Variants in PLXNA2 observed in about 807,000 individuals in gnomAD.
PLXNA2 encodes plexin-A2.
PLXNA2 carries 91 observed loss-of-function variants against 193.5 expected under a neutral mutation model. The ratio of observed to expected loss-of-function variants is 0.47; its 90% CI spans 0.40 to 0.56. The LOEUF (loss-of-function observed/expected upper bound fraction) is 0.56. Among genes scored for constraint, PLXNA2 ranks in the 20% least tolerant of loss-of-function variants. The probability of loss-of-function intolerance (pLI) is 0.00; values close to 1 mark genes in which losing one functional copy is unlikely to be tolerated. For synonymous variants in PLXNA2, 997 were observed against 1,027.3 expected (o/e 0.97, Z 0.56); for missense variants, 1,995 against 2,503.2 (o/e 0.80, Z 4.33).
rs377729868 is a variant in PLXNA2, at chr1:208,033,470, C to T, written c.4904G>A (p.Arg1635Gln). ...TGGGGTGATCATCGGGGCCCGGGAC[C>T]GCAGGCTGTCGGGGCTGCCCGTATA... is the stretch of plus-strand genomic sequence containing the variant. ...FRYTGSPDSL[R>Q]SRAPMITPDL... Residue 1635 changes from arginine (R) to glutamine (Q), a missense_variant, in exon 28 of 32, where the codon CGG becomes CAG. Physicochemically the swap from Arg to Gln is conservative, Grantham distance 43. Transcript: ENST00000367033. The T allele has an allele frequency of 6.0e-5, 96 of 1,612,926 alleles. No homozygotes were observed. The highest frequency in any genetic ancestry group is 5.2e-4 in the Admixed American group (31 of 60,006).
chr1:208,117,589 C>T (rs1192951227), intron 4 of PLXNA2, among the ~76,000 whole-genome samples: 2 of 152,170 alleles, frequency 1.3e-5, no homozygotes, highest in Admixed American at 6.5e-5. Flanking sequence ...GGAAGCACCA[C>T]CCTCTTGATG....
intron 13 of PLXNA2, among the ~76,000 whole-genome samples, chr1:208,054,923 C>G (rs1207853258): frequency 6.6e-6 from 1 of 152,178 alleles, no homozygotes; most frequent in Non-Finnish European, 1.5e-5. Context: ...AGCTGACGCT[C>G]TCTCCTATGT....
At chr1:208,081,139 C>G (rs1666327098) in intron 11 of PLXNA2, among the ~76,000 whole-genome samples, 1 of 152,224 alleles carries the variant, frequency 6.6e-6, no homozygotes, top group Non-Finnish European at 1.5e-5. Context: ...AAGGCAACCT[C>G]TGGGATCTAA....
Position 208,027,352 on chromosome 1 carries a change from A to T in PLXNA2, c.5590-14T>A, listed in dbSNP as rs755656566. ...GGCCCCGATGAGCTGAGGAGCAAAA[A>T]CAAAGGCAGGAAGACTTCAGGACTC... On this transcript the variant is annotated splice_polypyrimidine_tract_variant and intron_variant, in intron 31 of 31. Coordinates refer to ENST00000367033, the MANE Select transcript of PLXNA2 (RefSeq NM_025179.4). 1.2e-6 allele frequency: 2 copies of T among 1,609,480 alleles called. No homozygotes were observed. Among genetic ancestry groups the T allele is most frequent in the Admixed American group, 3.3e-5 (2 of 60,016 alleles).
chr1:208,138,559 G>A (rs769278847), intron 4 of PLXNA2, among the ~76,000 whole-genome samples: 8 of 152,232 alleles, frequency 5.3e-5, no homozygotes, highest in Admixed American at 3.9e-4. Context: ...ATGCTCATAT[G>A]AGCACATGTG....
chr1:208,139,359 A>G (rs1278421347), intron 4 of PLXNA2, among the ~76,000 whole-genome samples: 1 of 152,170 alleles, frequency 6.6e-6, no homozygotes. Flanking sequence ...TGGGTGTGTC[A>G]TGTCCCCCTG....
chr1:208,148,162 T>C (rs1668654682), intron 3 of PLXNA2, among the ~76,000 whole-genome samples: 1 of 152,228 alleles, frequency 6.6e-6, no homozygotes, highest in African/African-American at 2.4e-5. Context: ...TGCAGCCCCC[T>C]CTAAACTCCT....
In PLXNA2 at chr1:208,044,825, G is replaced by T; in HGVS notation, c.3640-83C>A. On this transcript the variant is annotated intron_variant, in intron 19 of 31. Coordinates refer to ENST00000367033, the MANE Select transcript of PLXNA2 (RefSeq NM_025179.4). The surrounding 1 kb of genome is among the most constrained non-coding windows in gnomAD (Gnocchi z 4.9). ...TGCCAGCAGATCCTTACAGTGCGAG[G>T]AAGGACATGACAGACCACAACCACA... 8.6e-7 allele frequency: 1 copy of T among 1,166,166 alleles called. No homozygotes were observed. The highest frequency in any genetic ancestry group is 1.2e-6 in the Non-Finnish European group (1 of 801,070). The allele number at this position is 1,166,166 out of a possible 1,614,324, so 72.2% of individuals were successfully genotyped here.
At chr1:208,225,833 G>A (rs1389866671) in intron 1 of PLXNA2, among the ~76,000 whole-genome samples, 1 of 152,220 alleles carries the variant, frequency 6.6e-6, no homozygotes, top group African/African-American at 2.4e-5. Context: ...ACAGCCATCA[G>A]AAGGAATCAA....
At chr1:208,162,669 G>T (rs142357285) in intron 3 of PLXNA2, among the ~76,000 whole-genome samples, 1 of 152,090 alleles carries the variant, frequency 6.6e-6, no homozygotes, top group South Asian at 2.1e-4. Context: ...GTACTGTTCC[G>T]TGTGCTTTAC....
At chr1:208,096,990 A>G (rs1460451689) in intron 6 of PLXNA2, 107 bp from the exon 7 acceptor site, 2 of 933,518 alleles carry the variant, frequency 2.1e-6, no homozygotes, top group Non-Finnish European at 3.1e-6. Flanking sequence ...CCCTGACCTC[A>G]TCTATAAAAG....
chr1:208,122,017 TGAG>T (rs1333179122), intron 4 of PLXNA2, among the ~76,000 whole-genome samples: 5 of 152,084 alleles, frequency 3.3e-5, no homozygotes, highest in Non-Finnish European at 5.9e-5. Flanking sequence ...CACACAACTG[TGAG>T]AAGAAAAGAG....
At chr1:208,142,296 G>A in intron 4 of PLXNA2, 33 bp downstream of exon 4, 1 of 1,558,494 alleles carries the variant, frequency 6.4e-7, no homozygotes, top group African/African-American at 1.4e-5. Context: ...GTTTCTTGGA[G>A]TTTGGAAAGC....
At chr1:208,064,328 C>A (rs1665715444) in intron 12 of PLXNA2, among the ~76,000 whole-genome samples, 1 of 152,226 alleles carries the variant, frequency 6.6e-6, no homozygotes, top group Non-Finnish European at 1.5e-5. Context: ...TAGTCACTTG[C>A]TCTAAAAACC....
intron 6 of PLXNA2, 27 bp downstream of exon 6, chr1:208,098,819 C>T: frequency 6.2e-7 from 1 of 1,611,038 alleles, no homozygotes; most frequent in African/African-American, 1.3e-5. Context: ...TATTCCCTCT[C>T]CCCATGCCCC....
At chr1:208,133,175 A>G (rs894124765) in intron 4 of PLXNA2, among the ~76,000 whole-genome samples, 6 of 152,192 alleles carry the variant, frequency 3.9e-5, no homozygotes, top group Non-Finnish European at 2.9e-5. Context: ...AGTGACCCCA[A>G]TTAGGGAGGG....
At chr1:208,096,630 A>T in intron 7 of PLXNA2, 100 bp downstream of exon 7, 1 of 1,343,028 alleles carries the variant, frequency 7.4e-7, no homozygotes, top group South Asian at 1.4e-5. Flanking sequence ...CAATATTAGT[A>T]TCTGGTATAA....
intron 3 of PLXNA2, among the ~76,000 whole-genome samples, chr1:208,153,391 A>C (rs1461462975): frequency 6.6e-6 from 1 of 152,140 alleles, no homozygotes; most frequent in Non-Finnish European, 1.5e-5. Flanking sequence ...TTGGGTCTTC[A>C]TTTCTCTAGG....
intron 3 of PLXNA2, among the ~76,000 whole-genome samples, chr1:208,198,606 C>A (rs1670434093): frequency 6.6e-6 from 1 of 152,210 alleles, no homozygotes; most frequent in Non-Finnish European, 1.5e-5. Context: ...AGGAGAGGGA[C>A]ACAAGGAAGA....
Sources: gnomAD v4.1 joint callset for allele counts (sites outside exome capture counted in the v4.1 genomes callset) on GRCh38, gnomAD v4.1.1 for gene constraint, Gnocchi (gnomAD v3.1) non-coding constraint, MANE v1.5 for transcripts, NCBI Gene and HGNC (gene_info 2026-07-23, HGNC 2026-07-21) for gene names.